The following DMXL2 variants were observed in gnomAD, a reference collection of about 807,000 sequenced individuals.
DMXL2 encodes Dmx like 2, also known as dmX-like protein 2.
A neutral mutation model predicts 331.1 loss-of-function variants in DMXL2; 103 were observed. The ratio of observed to expected loss-of-function variants is 0.31; its 90% CI spans 0.27 to 0.37. DMXL2 has a LOEUF of 0.37. Among genes scored for constraint, DMXL2 ranks in the 10% least tolerant of loss-of-function variants. The pLI is 1.00. For missense variants in DMXL2, 3,171 were observed against 3,642.9 expected (o/e 0.87, Z 3.33); for synonymous variants, 1,281 against 1,252.1 (o/e 1.02, Z -0.49).
intron 1 of DMXL2, among the ~76,000 whole-genome samples, chr15:51,607,334 T>C (rs1213746706): frequency 3.3e-5 from 5 of 152,078 alleles, no homozygotes; most frequent in East Asian, 1.9e-4. Context: ...CAGGTGCCTG[T>C]AGTCCCAGCT....
chr15:51,541,634 GAAGC>G (rs2048602159), intron 9 of DMXL2, among the ~76,000 whole-genome samples: 1 of 152,088 alleles, frequency 6.6e-6, no homozygotes, highest in African/African-American at 2.4e-5. Context: ...CCTTCACTCT[GAAGC>G]AACAGACCTC....
At position 51,502,682 on chromosome 15, in the gene DMXL2, A is replaced by G. The variant is rs1567038221; in HGVS notation, c.2992+124T>C. On this transcript the variant is annotated intron_variant, in intron 17 of 43. Coordinates refer to ENST00000560891, the MANE Select transcript of DMXL2 (RefSeq NM_001378457.1). Reference sequence around the variant, plus strand: ...CATCTAGACATATCATTAATAGAAAATCAATCTTTATTTTAATGTCAACAT... The same window carrying G: ...CATCTAGACATATCATTAATAGAAAGTCAATCTTTATTTTAATGTCAACAT... 1.6e-5 allele frequency: 11 copies of G among 684,002 alleles called. No homozygotes were observed. The South Asian group carries it at 1.7e-4, about 11-fold the overall frequency. The allele number at this position is 684,002 out of a possible 1,614,324, so 42.4% of individuals were successfully genotyped here.
In DMXL2 at chr15:51,607,887, G is replaced by A. The variant is rs79764763; in HGVS notation, c.87+14572C>T. 2.9e-3 allele frequency among the ~76,000 whole-genome samples: 439 copies of A among 152,164 alleles called. 18 individuals carry two copies. In the East Asian group the frequency reaches 0.062, roughly 21 times the overall value. ...TCTACCTGCTAAAAGACAGCAAAAC[G>A]GCCTTTCAAGAATGAAACAAAATAG... is the stretch of plus-strand genomic sequence containing the variant. On this transcript the variant is annotated intron_variant, in intron 1 of 43. Coordinates refer to ENST00000560891, the MANE Select transcript of DMXL2 (RefSeq NM_001378457.1).
intron 15 of DMXL2, among the ~76,000 whole-genome samples, chr15:51,512,887 C>A (rs987336409): frequency 6.6e-6 from 1 of 150,908 alleles, no homozygotes; most frequent in Non-Finnish European, 1.5e-5. Context: ...GTGATAAAAT[C>A]TTTAACCTAC....
Position 51,448,904 on chromosome 15 carries a change from T to A in DMXL2, c.*80A>T. The A allele has an allele frequency of 7.3e-7, 1 of 1,368,152 alleles. No individual in the cohort carries two copies. The highest frequency in any genetic ancestry group is 1.0e-6 in the Non-Finnish European group (1 of 983,800). 84.8% of individuals were successfully genotyped at this position (1,368,152 alleles called of 1,614,324 possible). ...AGAGATTCTCTGTTTTCAATACAAC[T>A]GCTTAGAAAGCAGAATTGCCTAGTG... On this transcript the variant is annotated 3_prime_UTR_variant, in exon 44 of 44. Coordinates refer to ENST00000560891, the MANE Select transcript of DMXL2 (RefSeq NM_001378457.1).
chr15:51,476,527 A>G lies in DMXL2; in HGVS notation c.6964+62T>C. 1.7e-5 allele frequency: 27 copies of G among 1,566,952 alleles called. 1 individual carries two copies. The highest frequency in any genetic ancestry group is 2.3e-5 in the Non-Finnish European group (27 of 1,159,580). ...AGCAACAAGCAGGAAACTGGTCAGT[A>G]GGCTTTTAGGAAGAAATTGCCAACT... On this transcript the variant is annotated intron_variant, in intron 27 of 43. Transcript: ENST00000560891.
chr15:51,586,095 C>T (rs1045387015), intron 1 of DMXL2, among the ~76,000 whole-genome samples: 15 of 152,002 alleles, frequency 9.9e-5, no homozygotes, highest in African/African-American at 2.7e-4. Context: ...AAAGTCCACT[C>T]GAGAGTGCTG....
At chr15:51,595,701 G>C (rs1193758092) in intron 1 of DMXL2, among the ~76,000 whole-genome samples, 1 of 152,146 alleles carries the variant, frequency 6.6e-6, no homozygotes, top group Non-Finnish European at 1.5e-5. Context: ...AAAACAGTAT[G>C]GTACTGGTAC....
At position 51,556,360 on chromosome 15, in the gene DMXL2, A is replaced by C. The variant is rs947006047; in HGVS notation, c.567+7021T>G. 7.8e-3 allele frequency among the ~76,000 whole-genome samples: 1,176 copies of C among 151,306 alleles called. 11 individuals carry two copies. The highest frequency in any genetic ancestry group is 0.027 in the African/African-American group (1,102 of 41,172). ...ACTGTCTCAAAAAAAAAAAAGAAAA[A>C]AAAAAAAAAAAAGATCAGCAGATCA... On this transcript the variant is annotated intron_variant, in intron 6 of 43. Transcript: ENST00000560891.
At chr15:51,526,956 T>C (rs904124524) in intron 13 of DMXL2, among the ~76,000 whole-genome samples, 1 of 151,422 alleles carries the variant, frequency 6.6e-6, no homozygotes, top group East Asian at 1.9e-4. Flanking sequence ...AAGAAAGAGG[T>C]AGGGGTGGAA....
rs544807226 is a variant in DMXL2 at position 51,499,269 on chromosome 15, C to T, written c.3955G>A (p.Asp1319Asn). 3.5e-5 allele frequency: 56 copies of T among 1,613,798 alleles called. No homozygotes were observed. Among genetic ancestry groups the T allele is most frequent in the Non-Finnish European group, 4.2e-5 (49 of 1,180,024 alleles). Residue 1319 changes from aspartate (D) to asparagine (N), a missense_variant, in exon 18 of 44, where the codon GAT (aspartate) becomes AAT (asparagine). Coordinates refer to ENST00000560891, the MANE Select transcript of DMXL2 (RefSeq NM_001378457.1). ...ACAGTTGGTGAACAAAAAACATCAT[C>T]AGAAATAGCTGTTCCTTCAACAACA... ...KSVVEGTAIS[D>N]DVFCSPTVIQ...
intron 13 of DMXL2, among the ~76,000 whole-genome samples, chr15:51,532,543 G>A (rs2048062963): frequency 6.6e-6 from 1 of 152,102 alleles, no homozygotes; most frequent in South Asian, 2.1e-4. Context: ...TAGATCATTT[G>A]TAACACAAAG....
At chr15:51,456,223 A>T in intron 38 of DMXL2, 30 bp from the exon 39 acceptor site, 1 of 1,604,140 alleles carries the variant, frequency 6.2e-7, no homozygotes, top group Non-Finnish European at 8.5e-7. Flanking sequence ...GCAGGAAATA[A>T]GAAATTAAAG....
chr15:51,597,931 T>G (rs1435338030), intron 1 of DMXL2, among the ~76,000 whole-genome samples: 1 of 152,214 alleles, frequency 6.6e-6, no homozygotes. Flanking sequence ...GTCATTTAGA[T>G]TTTCTCTTGT....
chr15:51,485,541 CACATATTA>C (rs2042331757), intron 23 of DMXL2, among the ~76,000 whole-genome samples: 2 of 152,178 alleles, frequency 1.3e-5, no homozygotes, highest in Admixed American at 6.5e-5. Flanking sequence ...AAAAATACAG[CACATATTA>C]ACATATGTAT....
intron 13 of DMXL2, among the ~76,000 whole-genome samples, chr15:51,533,592 G>A (rs2048125230): frequency 6.6e-6 from 1 of 152,196 alleles, no homozygotes; most frequent in Non-Finnish European, 1.5e-5. Context: ...CTAGTACAAT[G>A]TTTTGGTCAC....
In DMXL2 at chr15:51,458,803, A is replaced by AC. The variant is rs757400385; in HGVS notation, c.7990-9dup. ...GCCCAGATCAGCTTCAACCTAGAAA[A>AC]CATTCATCAGCAGTTTTAGTTGCTG... is the stretch of plus-strand genomic sequence containing the variant. On this transcript the variant is annotated splice_polypyrimidine_tract_variant and intron_variant, in intron 34 of 43. Coordinates refer to ENST00000560891, the MANE Select transcript of DMXL2 (RefSeq NM_001378457.1). 2.5e-6 allele frequency: 4 copies of AC among 1,613,204 alleles called. No homozygotes were observed. The East Asian group carries it at 8.9e-5, about 36-fold the overall frequency.
intron 1 of DMXL2, among the ~76,000 whole-genome samples, chr15:51,582,452 G>C (rs1179688324): frequency 6.6e-6 from 1 of 152,156 alleles, no homozygotes; most frequent in Non-Finnish European, 1.5e-5. Flanking sequence ...CAGGAAGGCA[G>C]GGTTGTCTGG....
chr15:51,491,760 TATAAA>T lies in DMXL2; in HGVS notation c.4784-18_4784-14del. The stretch of plus-strand genomic sequence containing the variant: ...CATGTAGAGACACCTAAATTGGAAA[TATAAA>T]ATAATAATCTGCGTAACTGTATCAA... On this transcript the variant is annotated splice_polypyrimidine_tract_variant and intron_variant, in intron 19 of 43. Coordinates refer to ENST00000560891, the MANE Select transcript of DMXL2 (RefSeq NM_001378457.1). The T allele has an allele frequency of 6.3e-7, 1 of 1,585,798 alleles. No individual in the cohort carries two copies. The highest frequency in any genetic ancestry group is 8.5e-7 in the Non-Finnish European group (1 of 1,171,006).
Sources: allele counts gnomAD v4.1 joint callset (sites outside exome capture counted in the v4.1 genomes callset), GRCh38; gene constraint gnomAD v4.1.1; transcripts MANE v1.5; gene names NCBI Gene and HGNC (gene_info 2026-07-23, HGNC 2026-07-21).